Variants in ZSCAN10 observed in about 807,000 individuals in gnomAD.
The protein encoded by ZSCAN10 is zinc finger and SCAN domain containing 10.
In ZSCAN10, 52 loss-of-function variants were observed where a neutral mutation model predicts 63.7. The ratio of observed to expected loss-of-function variants is 0.82; its 90% CI spans 0.65 to 1.03. ZSCAN10 has a LOEUF of 1.03. Among genes scored for constraint, ZSCAN10 ranks in the 50% least tolerant of loss-of-function variants. The pLI is 0.00. For synonymous variants in ZSCAN10, 544 were observed against 479.6 expected (o/e 1.13, Z -1.76); for missense variants, 1,223 against 1,103.8 (o/e 1.11, Z -1.53).
At chr16:3,098,456 G>C (rs779882279) in intron 1 of ZSCAN10, among the ~76,000 whole-genome samples, 1 of 152,156 alleles carries the variant, frequency 6.6e-6, no homozygotes, top group Non-Finnish European at 1.5e-5. Context: ...CCTAGCCTTA[G>C]CCGAAATATC....
At chr16:3,096,650 G>A (rs1039903493) in intron 1 of ZSCAN10, among the ~76,000 whole-genome samples, 3 of 152,184 alleles carry the variant, frequency 2.0e-5, no homozygotes, top group Non-Finnish European at 2.9e-5. Context: ...CCCAGTGGCC[G>A]AGTGCAGTGG....
intron 5 of ZSCAN10, 87 bp downstream of exon 5, chr16:3,091,453 G>T: frequency 1.4e-6 from 2 of 1,461,858 alleles, no homozygotes; most frequent in Non-Finnish European, 1.9e-6. Flanking sequence ...GACTAGCCTG[G>T]GCAACATAGC....
rs768537487 is a variant in ZSCAN10, at chr16:3,089,633, C to T, written c.1801G>A (p.Gly601Ser). Residue 601 changes from glycine (G) to serine (S), a missense_variant, in exon 6 of 6, where the codon GGT (glycine) becomes AGT (serine). Gly to Ser is a moderately conservative substitution (Grantham distance 56). Coordinates refer to ENST00000576985, the MANE Select transcript of ZSCAN10 (RefSeq NM_032805.3). ...ASLARHLLTH[G>S]GPRPHHCTQC... ...GTGCAGTGGTGGGGCCGAGGGCCAC[C>T]GTGGGTCAGCAGGTGGCGGGCAAGG... is the stretch of plus-strand genomic sequence containing the variant. 6.9e-6 allele frequency: 11 copies of T among 1,586,136 alleles called. No individual in the cohort carries two copies. The highest frequency in any genetic ancestry group is 2.7e-5 in the African/African-American group (2 of 73,970).
At chr16:3,097,825 G>A (rs1161692082) in intron 1 of ZSCAN10, among the ~76,000 whole-genome samples, 1 of 152,126 alleles carries the variant, frequency 6.6e-6, no homozygotes, top group East Asian at 1.9e-4. Context: ...TGGCCATCTC[G>A]AAGGAAAGCA....
Position 3,088,922 on chromosome 16 carries a change from T to G in ZSCAN10, c.*169A>C. The G allele has an allele frequency of 7.7e-7, 1 of 1,292,956 alleles. No homozygotes were observed. The highest frequency in any genetic ancestry group is 9.9e-7 in the Non-Finnish European group (1 of 1,008,802). The allele number at this position is 1,292,956 out of a possible 1,614,324, so 80.1% of individuals were successfully genotyped here. On this transcript the variant is annotated 3_prime_UTR_variant, in exon 6 of 6. Coordinates refer to ENST00000576985, the MANE Select transcript of ZSCAN10 (RefSeq NM_032805.3). The stretch of plus-strand genomic sequence containing the variant: ...GAAGGCCATTTTACTTCGGGCGTTT[T>G]AATTACATAGCTGAGGCCAGAAAGC...
intron 5 of ZSCAN10, among the ~76,000 whole-genome samples, 175 bp from the exon 6 acceptor site, chr16:3,090,821 G>A (rs1270625094): frequency 1.3e-5 from 2 of 151,644 alleles, no homozygotes; most frequent in East Asian, 1.9e-4. Context: ...AGCCCGAGGC[G>A]GGCGGATCAC....
chr16:3,089,143 T>G lies in ZSCAN10; in HGVS notation c.2291A>C (p.Asn764Thr). The G allele has an allele frequency of 6.6e-7, 1 of 1,520,930 alleles. No homozygotes were observed. The highest frequency in any genetic ancestry group is 1.3e-5 in the South Asian group (1 of 78,092). The allele number at this position is 1,520,930 out of a possible 1,614,324, so 94.2% of individuals were successfully genotyped here. ...GCGCAGGTGGCGCAGCAGGTGGGAG[T>G]TGCGGCTGAAGCTGCGGCCACACTG... ...CTQCGRSFSR[N>T]SHLLRHLRTH... is the part of the protein sequence containing the mutation. The change falls in exon 6 of 6, where the codon AAC becomes ACC. Residue 764 changes from asparagine to threonine, a missense_variant. By Grantham distance (65) the Asn-to-Thr change is moderately conservative. Transcript: ENST00000576985.
rs1206790320 is a variant in ZSCAN10, at chr16:3,090,605, C to A, written c.829G>T (p.Glu277Ter). ...RTPDKEEFKQ[E>*]EPKGAAWPTP... is the part of the protein sequence containing the mutation. ...GGCCAGGCAGCCCCTTTGGGCTCTT[C>A]TTGTTTAAATTCCTCCTTGTCTGGG... The change falls in exon 6 of 6, where the codon GAA becomes TAA. Residue 277 changes from glutamate to a stop codon, truncating the protein, a stop_gained. Coordinates refer to ENST00000576985, the MANE Select transcript of ZSCAN10 (RefSeq NM_032805.3). LOFTEE classifies it high-confidence loss of function. 2 of 1,556,792 alleles carry A rather than the reference C, an allele frequency of 1.3e-6. No individual in the cohort carries two copies. Among genetic ancestry groups the A allele is most frequent in the African/African-American group, 1.4e-5 (1 of 72,334 alleles).
intron 1 of ZSCAN10, among the ~76,000 whole-genome samples, chr16:3,094,329 T>C (rs115371588): frequency 0.017 from 2,631 of 152,200 alleles, 72 homozygotes; most frequent in African/African-American, 0.06. Context: ...ATACCTAATC[T>C]CAATCCAACC....
chr16:3,088,928 C>A lies in ZSCAN10; in HGVS notation c.*163G>T. 5 of 1,317,564 alleles carry A rather than the reference C, an allele frequency of 3.8e-6. No individual in the cohort carries two copies. Among genetic ancestry groups the A allele is most frequent in the Non-Finnish European group, 4.9e-6 (5 of 1,026,590 alleles). The allele number at this position is 1,317,564 out of a possible 1,614,324, so 81.6% of individuals were successfully genotyped here. On this transcript the variant is annotated 3_prime_UTR_variant, in exon 6 of 6. Coordinates refer to ENST00000576985, the MANE Select transcript of ZSCAN10 (RefSeq NM_032805.3). ...CATTTTACTTCGGGCGTTTTAATTACATAGCTGAGGCCAGAAAGCAATGCC... is the reference window on the plus strand; with the variant it reads ...CATTTTACTTCGGGCGTTTTAATTAAATAGCTGAGGCCAGAAAGCAATGCC...
Position 3,089,270 on chromosome 16 carries a change from G to A in ZSCAN10, c.2164C>T (p.Pro722Ser), listed in dbSNP as rs1182237524. The A allele has an allele frequency of 6.4e-7, 1 of 1,565,536 alleles. No individual in the cohort carries two copies. Among genetic ancestry groups the A allele is most frequent in the Non-Finnish European group, 8.6e-7 (1 of 1,164,138 alleles). Reference sequence around the variant, plus strand: ...CCGCACTCCACGCACTCCTGCGGGGGCTCGGCCTGCTCCTGCCCGGGCTCC... The same window carrying A: ...CCGCACTCCACGCACTCCTGCGGGGACTCGGCCTGCTCCTGCCCGGGCTCC... ...HAEPGQEQAE[P>S]PQECVECGKS... Residue 722 changes from proline (P) to serine (S), a missense_variant, in exon 6 of 6, where the codon CCC becomes TCC. Pro to Ser is a moderately conservative substitution (Grantham distance 74, BLOSUM62 -1). Transcript: ENST00000576985.
rs1424158198 is a variant in ZSCAN10 at position 3,092,788 on chromosome 16, G to T, written c.150C>A (p.Phe50Leu). 1.3e-6 allele frequency: 2 copies of T among 1,587,382 alleles called. No individual in the cohort carries two copies. Among genetic ancestry groups the T allele is most frequent in the South Asian group, 2.3e-5 (2 of 87,860 alleles). Residue 50 changes from phenylalanine (F) to leucine (L), a missense_variant, in exon 2 of 6, where the codon TTC becomes TTA. Physicochemically the swap from Phe to Leu is conservative, Grantham distance 22. Coordinates refer to ENST00000576985, the MANE Select transcript of ZSCAN10 (RefSeq NM_032805.3). Reference protein sequence around the residue: ...PEVAHQLFRCFQYQEDMGPRA... With the variant: ...PEVAHQLFRCLQYQEDMGPRA... ...GTGGCCCCATGTCCTCCTGATACTGGAAGCATCTGAACAGCTGGTGAGCCA... is the reference window on the plus strand; with the variant it reads ...GTGGCCCCATGTCCTCCTGATACTGTAAGCATCTGAACAGCTGGTGAGCCA...
intron 5 of ZSCAN10, among the ~76,000 whole-genome samples, chr16:3,090,909 C>A (rs868302234): frequency 0.017 from 2,458 of 142,814 alleles, 35 homozygotes; most frequent in Middle Eastern, 0.057. Flanking sequence ...AAAAAAAAAA[C>A]CAAAACAAAA....
Position 3,092,539 on chromosome 16 carries a change from C to G in ZSCAN10, c.396+3G>C, listed in dbSNP as rs1957097543. On this transcript the variant is annotated splice_donor_region_variant and intron_variant, in intron 2 of 5. Coordinates refer to ENST00000576985, the MANE Select transcript of ZSCAN10 (RefSeq NM_032805.3). ...TGCTCAGCCCGCTGCCCCACCCTCT[C>G]ACCAGCGGCCCCGCGTGGCTGGGCT... The G allele has an allele frequency of 1.3e-6, 2 of 1,511,376 alleles. No individual in the cohort carries two copies. Among genetic ancestry groups the G allele is most frequent in the Non-Finnish European group, 1.8e-6 (2 of 1,131,000 alleles). The allele number at this position is 1,511,376 out of a possible 1,614,324, so 93.6% of individuals were successfully genotyped here. A position where few individuals can be genotyped will look rare whatever the true frequency, so the allele number is the denominator to read the frequency against.
At position 3,089,867 on chromosome 16, in the gene ZSCAN10, C is replaced by T. The variant is rs1012996173; in HGVS notation, c.1567G>A (p.Val523Met). Residue 523 changes from valine to methionine, a missense_variant, in exon 6 of 6, where the codon GTG (valine) becomes ATG (methionine). Val to Met is a conservative substitution (Grantham distance 21). Coordinates refer to ENST00000576985, the MANE Select transcript of ZSCAN10 (RefSeq NM_032805.3). ...RRRDSDRRPF[V>M]CSDCGKAFRR... Reference sequence around the variant, plus strand: ...AAGGCCTTGCCGCAGTCGCTGCACACGAAGGGCCTCCGGTCGGAGTCCCGG... The same window carrying T: ...AAGGCCTTGCCGCAGTCGCTGCACATGAAGGGCCTCCGGTCGGAGTCCCGG... 6 of 1,539,160 alleles carry T rather than the reference C, an allele frequency of 3.9e-6. No individual in the cohort carries two copies. The highest frequency in any genetic ancestry group is 2.4e-5 in the East Asian group (1 of 41,074).
chr16:3,089,761 C>G lies in ZSCAN10; in HGVS notation c.1673G>C (p.Ser558Thr). 1 of 1,599,042 alleles carries G rather than the reference C, an allele frequency of 6.3e-7. No homozygotes were observed. Reference sequence around the variant, plus strand: ...GACCAGCTGCGAGCTCTGCGTGAAGCTGCGGCCGCAAGCCTGGCAGGAGAA... The same window carrying G: ...GACCAGCTGCGAGCTCTGCGTGAAGGTGCGGCCGCAAGCCTGGCAGGAGAA... ...RPFSCQACGR[S>T]FTQSSQLVSH... Residue 558 changes from serine to threonine, a missense_variant, in exon 6 of 6, where the codon AGC (serine) becomes ACC (threonine). Physicochemically the swap from Ser to Thr is moderately conservative, Grantham distance 58. Coordinates refer to ENST00000576985, the MANE Select transcript of ZSCAN10 (RefSeq NM_032805.3).
chr16:3,092,435 G>A, intron 2 of ZSCAN10, 107 bp downstream of exon 2: 1 of 1,491,450 alleles, frequency 6.7e-7, no homozygotes, highest in Non-Finnish European at 8.9e-7. Context: ...AGGAGGTGAA[G>A]AAGGAATGGT....
intron 1 of ZSCAN10, among the ~76,000 whole-genome samples, chr16:3,097,519 G>A (rs1957167451): frequency 1.3e-5 from 2 of 152,152 alleles, no homozygotes; most frequent in African/African-American, 4.8e-5. Context: ...GGACAGGGTG[G>A]GGCCAGATAA....
At position 3,089,772 on chromosome 16, in the gene ZSCAN10, A is replaced by T. The variant is rs1957040921; in HGVS notation, c.1662T>A (p.Ala554=). ...AGCTCTGCGTGAAGCTGCGGCCGCA[A>T]GCCTGGCAGGAGAAGGGCCGCTCGC... The part of the protein sequence containing the change: ...HTGERPFSCQ[A]CGRSFTQSSQ... Residue 554 remains alanine, a synonymous_variant, in exon 6 of 6, where the codon GCT becomes GCA. Transcript: ENST00000576985. 1.3e-6 allele frequency: 2 copies of T among 1,592,790 alleles called. No individual in the cohort carries two copies. The highest frequency in any genetic ancestry group is 1.7e-6 in the Non-Finnish European group (2 of 1,176,534).
Sources: allele counts gnomAD v4.1 joint callset (sites outside exome capture counted in the v4.1 genomes callset), GRCh38; gene constraint gnomAD v4.1.1; transcripts MANE v1.5; gene names NCBI Gene and HGNC (gene_info 2026-07-23, HGNC 2026-07-21).